The following STAG1 variants were observed in gnomAD, a reference collection of about 807,000 sequenced individuals.
STAG1 encodes STAG1 cohesin complex component, also known as cohesin subunit SA-1.
A neutral mutation model predicts 170.9 loss-of-function variants in STAG1; 26 were observed. The ratio of observed to expected loss-of-function variants is 0.15; its 90% CI spans 0.11 to 0.21. The LOEUF is 0.21. Among genes scored for constraint, STAG1 ranks in the 10% least tolerant of loss-of-function variants. STAG1 has a pLI of 1.00. For synonymous variants in STAG1, 514 were observed against 497.7 expected, an observed-to-expected ratio of 1.03 and a Z score of -0.44; for missense variants, 964 against 1,509.5, an observed-to-expected ratio of 0.64 and a Z score of 5.99.
chr3:136,527,998 T>G (rs947668911), intron 6 of STAG1, among the ~76,000 whole-genome samples: 1 of 152,100 alleles, frequency 6.6e-6, no homozygotes, highest in Non-Finnish European at 1.5e-5. Flanking sequence ...TGCCCCTATT[T>G]GGGGATGCCT....
intron 5 of STAG1, among the ~76,000 whole-genome samples, chr3:136,557,130 G>A (rs752194392): frequency 8.6e-5 from 13 of 152,016 alleles, no homozygotes; most frequent in Non-Finnish European, 1.9e-4. Flanking sequence ...TCAGACACTT[G>A]GGAAGCTAAA....
intron 28 of STAG1, among the ~76,000 whole-genome samples, chr3:136,355,376 A>AT (rs2108275934): frequency 6.6e-6 from 1 of 150,464 alleles, no homozygotes; most frequent in Non-Finnish European, 1.5e-5. Context: ...AAAAAAAAAA[A>AT]AAAGTATATA....
chr3:136,409,584 GC>G (rs2087570173), intron 21 of STAG1, among the ~76,000 whole-genome samples: 1 of 152,032 alleles, frequency 6.6e-6, no homozygotes, highest in Non-Finnish European at 1.5e-5. Flanking sequence ...TCATCCACCT[GC>G]CTTTGCCTCC....
chr3:136,463,960 A>G (rs547976693), intron 13 of STAG1, among the ~76,000 whole-genome samples: 97 of 149,944 alleles, frequency 6.5e-4, no homozygotes, highest in African/African-American at 2.2e-3. Flanking sequence ...CTACTAATCA[A>G]TTATAGAACA....
intron 5 of STAG1, among the ~76,000 whole-genome samples, chr3:136,559,249 C>T (rs1936746222): frequency 6.6e-6 from 1 of 151,836 alleles, no homozygotes; most frequent in African/African-American, 2.4e-5. Context: ...ATAATAAAGC[C>T]ATATAAGCAC....
At chr3:136,473,502 A>G (rs2089674411) in intron 11 of STAG1, 37 bp downstream of exon 11, 1 of 1,470,298 alleles carries the variant, frequency 6.8e-7, no homozygotes, top group African/African-American at 1.4e-5. Flanking sequence ...ATTTGTAAAG[A>G]GAAAAATTAA....
intron 9 of STAG1, among the ~76,000 whole-genome samples, 164 bp from the exon 10 acceptor site, chr3:136,477,576 AT>A (rs1374880254): frequency 6.6e-6 from 1 of 152,138 alleles, no homozygotes; most frequent in Non-Finnish European, 1.5e-5. Flanking sequence ...TTTCTATAAA[AT>A]AAACACTAAT....
intron 1 of STAG1, among the ~76,000 whole-genome samples, chr3:136,716,320 A>G (rs9825700): frequency 0.66 from 99,918 of 151,714 alleles, 35,264 homozygotes; most frequent in African/African-American, 0.91. Context: ...AAAATTAGCC[A>G]GGCATGGTGG....
At chr3:136,623,382 C>T (rs998363038) in intron 2 of STAG1, 134 bp from the exon 3 acceptor site, 1 of 635,100 alleles carries the variant, frequency 1.6e-6, no homozygotes, top group African/African-American at 1.9e-5. Flanking sequence ...AACTCTCTAG[C>T]AAACTAAAAA....
In STAG1 at chr3:136,379,048, T is replaced by C. The variant is rs150378116; in HGVS notation, c.2278-1296A>G. Among the ~76,000 whole-genome samples, 1,135 of 152,298 alleles carry C rather than the reference T, an allele frequency of 7.5e-3. 14 individuals carry two copies. Among genetic ancestry groups the C allele is most frequent in the African/African-American group, 0.026 (1,076 of 41,564 alleles). On this transcript the variant is annotated intron_variant, in intron 22 of 33. Coordinates refer to ENST00000383202, the MANE Select transcript of STAG1 (RefSeq NM_005862.3). ...ACACACATATTTTCTTTTGCTAACA[T>C]GAGTATAGTATGTGGAAGAAGGAGC...
At chr3:136,544,758 C>CA (rs33968101) in intron 5 of STAG1, among the ~76,000 whole-genome samples, 58,886 of 146,452 alleles carry the variant, frequency 0.4, 13,538 homozygotes, top group African/African-American at 0.65. Context: ...GAGCAAGACT[C>CA]AAAAAAAAAA....
chr3:136,649,727 A>C (rs1485143811), intron 1 of STAG1, among the ~76,000 whole-genome samples: 3 of 151,742 alleles, frequency 2.0e-5, no homozygotes, highest in Non-Finnish European at 2.9e-5. Flanking sequence ...AGCAGCTTGG[A>C]CAACATAGTG....
intron 1 of STAG1, among the ~76,000 whole-genome samples, chr3:136,715,623 A>C (rs567890482): frequency 6.2e-4 from 94 of 152,226 alleles, no homozygotes; most frequent in African/African-American, 2.2e-3. Context: ...CATTTCAAAA[A>C]AGAAAAAAAT....
chr3:136,654,351 A>G (rs771512865), intron 1 of STAG1, among the ~76,000 whole-genome samples: 8 of 152,220 alleles, frequency 5.3e-5, no homozygotes, highest in Non-Finnish European at 1.0e-4. Flanking sequence ...ACTAACAATG[A>G]ACAATCTGAA....
At position 136,750,990 on chromosome 3, in the gene STAG1, TAG is replaced by T. The variant is rs561728815; in HGVS notation, c.-84+1203_-84+1204del. Among the ~76,000 whole-genome samples the T allele has an allele frequency of 1.2e-4, 18 of 152,336 alleles. 1 individual carries two copies. The highest frequency in any genetic ancestry group is 3.6e-4 in the African/African-American group (15 of 41,582). Reference sequence around the variant, plus strand: ...TTAAAACACGAGGAAAACTAAAATGTAGAGTCATTCAAATTCCAGATAAGTTA... The same window carrying T: ...TTAAAACACGAGGAAAACTAAAATGTAGTCATTCAAATTCCAGATAAGTTA... On this transcript the variant is annotated intron_variant, in intron 1 of 33. Transcript: ENST00000383202.
At chr3:136,412,016 C>T (rs918014778) in intron 21 of STAG1, among the ~76,000 whole-genome samples, 7 of 136,288 alleles carry the variant, frequency 5.1e-5, no homozygotes, top group African/African-American at 2.1e-4. Context: ...AACGAGACTT[C>T]GTCTAAAAAA....
intron 2 of STAG1, 127 bp downstream of exon 2, chr3:136,630,743 A>G (rs1409782900): frequency 1.6e-5 from 12 of 735,366 alleles, no homozygotes; most frequent in Non-Finnish European, 2.6e-5. Flanking sequence ...CTTACACTGC[A>G]AAGATATTGT....
At chr3:136,523,409 TG>T (rs752047941) in intron 6 of STAG1, among the ~76,000 whole-genome samples, 2 of 68,198 alleles carry the variant, frequency 2.9e-5, no homozygotes, top group Non-Finnish European at 6.5e-5. Context: ...CACTTGTTGA[TG>T]GGGTTGTTTT....
At chr3:136,732,527 T>G (rs1934099845) in intron 1 of STAG1, among the ~76,000 whole-genome samples, 1 of 152,292 alleles carries the variant, frequency 6.6e-6, no homozygotes, top group South Asian at 2.1e-4. Context: ...TTCCGAAATA[T>G]GTTTACTAAA....
Sources: allele counts gnomAD v4.1 joint callset (sites outside exome capture counted in the v4.1 genomes callset), GRCh38; gene constraint gnomAD v4.1.1; transcripts MANE v1.5; gene names NCBI Gene and HGNC (gene_info 2026-07-23, HGNC 2026-07-21).